The following NRP2 variants were observed in gnomAD, a reference collection of about 807,000 sequenced individuals.
NRP2 encodes the protein neuropilin 2.
In NRP2, 52 loss-of-function variants were observed where a neutral mutation model predicts 110.4. That is an observed-to-expected ratio of 0.47 (90% CI 0.38 to 0.59). The LOEUF (loss-of-function observed/expected upper bound fraction) is 0.59, where lower values mean the gene tolerates loss of function less well. NRP2 is among the 20% of genes least tolerant of loss of function. The pLI is 0.00. For synonymous variants in NRP2, 508 were observed against 468.9 expected (o/e 1.08, Z -1.08); for missense variants, 1,049 against 1,203.0 (o/e 0.87, Z 1.89).
rs2058341195 is a variant in NRP2 at position 205,795,159 on chromosome 2, T to C, written c.*101T>C. On this transcript the variant is annotated 3_prime_UTR_variant, in exon 17 of 17. Transcript: ENST00000357785. ...TGGAAACTGAATGCCATAATCTCGA[T>C]CAAACCGATCCAGAATACCGAAGGT... 53 of 1,162,950 alleles carry C rather than the reference T, an allele frequency of 4.6e-5. No individual in the cohort carries two copies. In the South Asian group the frequency reaches 6.5e-4, roughly 14 times the overall value. 72.0% of individuals were successfully genotyped at this position (1,162,950 alleles called of 1,614,324 possible).
At chr2:205,776,952 G>T (rs1461314617) in intron 15 of NRP2, 1 of 1,133,806 alleles carries the variant, frequency 8.8e-7, no homozygotes, top group Non-Finnish European at 1.1e-6. Flanking sequence ...GTAGACATGT[G>T]TGTGTGTGAA....
At chr2:205,754,239 A>C (rs2057697765) in intron 12 of NRP2, among the ~76,000 whole-genome samples, 1 of 152,140 alleles carries the variant, frequency 6.6e-6, no homozygotes, top group Admixed American at 6.5e-5. Context: ...AAAATAAAAG[A>C]GGGAAAGGGA....
chr2:205,770,551 G>A lies in NRP2; in HGVS notation c.2425+3748G>A, dbSNP rs566611136. ...CTGCCTCCCAAGGCTTTGTCCACCAGGGTAAGGTCCCCCATCCCAGGGCCT... is the reference window on the plus strand; with the variant it reads ...CTGCCTCCCAAGGCTTTGTCCACCAAGGTAAGGTCCCCCATCCCAGGGCCT... On this transcript the variant is annotated intron_variant, in intron 15 of 16. Transcript: ENST00000357785. 2.7e-3 allele frequency among the ~76,000 whole-genome samples: 417 copies of A among 152,228 alleles called. 3 individuals carry two copies. Among genetic ancestry groups the A allele is most frequent in the African/African-American group, 8.9e-3 (370 of 41,528 alleles).
intron 7 of NRP2, among the ~76,000 whole-genome samples, chr2:205,734,067 G>C (rs533123483): frequency 2.1e-3 from 327 of 152,236 alleles, no homozygotes; most frequent in African/African-American, 7.2e-3. Flanking sequence ...GAAAGTAAAG[G>C]AGGATGAGAG....
At chr2:205,771,790 A>T (rs1209404357) in intron 15 of NRP2, among the ~76,000 whole-genome samples, 1 of 152,214 alleles carries the variant, frequency 6.6e-6, no homozygotes, top group Non-Finnish European at 1.5e-5. Flanking sequence ...CCAGATAGTA[A>T]ATATCTTGGG....
At chr2:205,691,748 A>G (rs369471694) in intron 1 of NRP2, among the ~76,000 whole-genome samples, 38 of 152,352 alleles carry the variant, frequency 2.5e-4, no homozygotes, top group Admixed American at 9.1e-4. Context: ...TCAAAATTGC[A>G]TTTGCAATGA....
intron 15 of NRP2, among the ~76,000 whole-genome samples, chr2:205,788,507 G>A (rs1272659494): frequency 6.6e-6 from 1 of 152,164 alleles, no homozygotes; most frequent in African/African-American, 2.4e-5. Context: ...ATTCCTTGAT[G>A]AGCCTGATAC....
At position 205,700,790 on chromosome 2, in the gene NRP2, C is replaced by T. The variant is rs114072647; in HGVS notation, c.251+3069C>T. ...ATCCAAGGCCACCATCTCTGGTGAA[C>T]TTCCCTTGACTCCTCCCTCCAGCCA... is the stretch of plus-strand genomic sequence containing the variant. On this transcript the variant is annotated intron_variant, in intron 2 of 16. Transcript: ENST00000357785. 1,176 of 517,104 alleles carry T rather than the reference C, an allele frequency of 2.3e-3. 9 individuals carry two copies. The highest frequency in any genetic ancestry group is 0.019 in the African/African-American group (990 of 52,050). The allele number at this position is 517,104 out of a possible 1,614,324, so 32.0% of individuals were successfully genotyped here.
intron 15 of NRP2, among the ~76,000 whole-genome samples, chr2:205,789,057 C>T (rs2058268454): frequency 2.6e-5 from 4 of 152,190 alleles, no homozygotes; most frequent in Non-Finnish European, 5.9e-5. Flanking sequence ...AAGCCCTACT[C>T]TATCAAAGTA....
At position 205,797,119 on chromosome 2, in the gene NRP2, C is replaced by T. The variant is rs2058358152; in HGVS notation, c.*2061C>T. The T allele has an allele frequency of 6.6e-6, 1 of 152,618 alleles. No individual in the cohort carries two copies. Among genetic ancestry groups the T allele is most frequent in the African/African-American group, 2.4e-5 (1 of 41,408 alleles). The allele number at this position is 152,618 out of a possible 1,614,324, so 9.5% of individuals were successfully genotyped here. The stretch of plus-strand genomic sequence containing the variant: ...CTCAGTGGTGGTGTTGTGACTTTGA[C>T]CTAGGGTCCGAGTGTCACAGCTGAT... On this transcript the variant is annotated 3_prime_UTR_variant, in exon 17 of 17. Transcript: ENST00000357785.
intron 7 of NRP2, among the ~76,000 whole-genome samples, chr2:205,735,515 T>C (rs1234203069): frequency 6.8e-6 from 1 of 146,472 alleles, no homozygotes; most frequent in Non-Finnish European, 1.5e-5. Context: ...ATATAATATA[T>C]AGAATGAATA....
chr2:205,765,718 A>T (rs775144413), intron 14 of NRP2, 148 bp downstream of exon 14: 16 of 779,254 alleles, frequency 2.1e-5, no homozygotes, highest in Non-Finnish European at 3.7e-5. Flanking sequence ...GTGTGGGTGT[A>T]GTTGTGTCTT....
intron 2 of NRP2, among the ~76,000 whole-genome samples, chr2:205,708,425 C>T (rs2056730445): frequency 6.6e-6 from 1 of 152,194 alleles, no homozygotes; most frequent in Non-Finnish European, 1.5e-5. Context: ...ATGGTATTCA[C>T]CCAAAGGACC....
In NRP2 at chr2:205,794,361, C is replaced by T. The variant is rs1163768141; in HGVS notation, c.2477-393C>T. Among the ~76,000 whole-genome samples, 7 of 152,180 alleles carry T rather than the reference C, an allele frequency of 4.6e-5. No individual in the cohort carries two copies. In the South Asian group the frequency reaches 6.2e-4, roughly 13 times the overall value. On this transcript the variant is annotated intron_variant, in intron 16 of 16. Transcript: ENST00000357785. ...TCTTGACCTCGTGATCTGCCCGCCTCGGCCTCCCAAAGTGCTGGGATTACA... is the reference window on the plus strand; with the variant it reads ...TCTTGACCTCGTGATCTGCCCGCCTTGGCCTCCCAAAGTGCTGGGATTACA...
chr2:205,724,205 A>G (rs2057079441), intron 5 of NRP2, among the ~76,000 whole-genome samples: 1 of 152,180 alleles, frequency 6.6e-6, no homozygotes, highest in South Asian at 2.1e-4. Context: ...AAGTCATGGT[A>G]CCATCTCATA....
chr2:205,701,995 ATTTTTATTGACCT>A (rs2056569869), intron 2 of NRP2, among the ~76,000 whole-genome samples: 1 of 152,218 alleles, frequency 6.6e-6, no homozygotes, highest in Non-Finnish European at 1.5e-5. Flanking sequence ...TAAGATTTGA[ATTTTTATTGACCT>A]TTTAAACTTC....
At chr2:205,745,377 G>T (rs1409486084) in intron 9 of NRP2, among the ~76,000 whole-genome samples, 1 of 152,170 alleles carries the variant, frequency 6.6e-6, no homozygotes, top group African/African-American at 2.4e-5. Context: ...ATTCAGAACG[G>T]TCAAAGATCG....
intron 1 of NRP2, among the ~76,000 whole-genome samples, chr2:205,688,176 CAAGA>C (rs1427203359): frequency 6.6e-6 from 1 of 152,192 alleles, no homozygotes; most frequent in Non-Finnish European, 1.5e-5. Context: ...CTTGAACTGA[CAAGA>C]AAGGACTTGA....
intron 3 of NRP2, among the ~76,000 whole-genome samples, chr2:205,720,262 CTTTTTTTTTTT>C (rs202203741): frequency 7.7e-6 from 1 of 129,170 alleles, no homozygotes; most frequent in African/African-American, 2.7e-5. Context: ...TTTTTTCTTT[CTTTTTTTTTTT>C]TTTTTTTTTT....
Sources: allele counts gnomAD v4.1 joint callset (sites outside exome capture counted in the v4.1 genomes callset), GRCh38; gene constraint gnomAD v4.1.1; transcripts MANE v1.5; gene names NCBI Gene and HGNC (gene_info 2026-07-23, HGNC 2026-07-21).